Variants in INTS10 observed in about 807,000 individuals in gnomAD.
INTS10 encodes chromosome 8 open reading frame 35.
INTS10 carries 44 observed loss-of-function variants against 94.4 expected under a neutral mutation model. That is an observed-to-expected ratio of 0.47 (90% CI 0.37 to 0.60). INTS10 has a LOEUF of 0.60. INTS10 is among the 20% of genes least tolerant of loss of function. INTS10 has a pLI of 0.00. For synonymous variants in INTS10, 341 were observed against 320.7 expected (o/e 1.06, Z -0.68); for missense variants, 797 against 868.7 (o/e 0.92, Z 1.04).
In INTS10 at chr8:19,817,547, C is replaced by T; in HGVS notation, c.10C>T (p.Gln4Ter). The T allele has an allele frequency of 6.2e-7, 1 of 1,607,988 alleles. No individual in the cohort carries two copies. Among genetic ancestry groups the T allele is most frequent in the Non-Finnish European group, 8.5e-7 (1 of 1,178,268 alleles). The change falls in exon 1 of 17, where the codon CAG becomes TAG. Residue 4 changes from glutamine (Q) to a stop codon, truncating the protein, a stop_gained. Coordinates refer to ENST00000397977, the MANE Select transcript of INTS10 (RefSeq NM_018142.4). LOFTEE classifies it high-confidence loss of function. The stretch of plus-strand genomic sequence containing the variant: ...GGAGAGCGCTCGGGTCATGTCTGCC[C>T]AGGGGGACTGCGAGTTCCTGGTGCA... MSA[Q>*]GDCEFLVQRA...
At chr8:19,826,823 G>T (rs1005024222) in intron 9 of INTS10, among the ~76,000 whole-genome samples, 28 of 152,188 alleles carry the variant, frequency 1.8e-4, no homozygotes, top group African/African-American at 6.3e-4. Flanking sequence ...CAGTGTACAG[G>T]ACCACCCAAA....
In INTS10 at chr8:19,843,042, C is replaced by T; in HGVS notation, c.1719+115C>T. On this transcript the variant is annotated intron_variant, in intron 14 of 16. Coordinates refer to ENST00000397977, the MANE Select transcript of INTS10 (RefSeq NM_018142.4). This position sits in a 1 kb window ranked among gnomAD's most constrained non-coding sequence, Gnocchi z 4.7. ...TTATTTTAGTACTTTTGAGGGCAGG[C>T]CCAAACAGTTAGAAAAGCACATGGG... 3 of 725,260 alleles carry T rather than the reference C, an allele frequency of 4.1e-6. No homozygotes were observed. Among genetic ancestry groups the T allele is most frequent in the Middle Eastern group, 2.5e-4 (1 of 4,036 alleles). 44.9% of individuals were successfully genotyped at this position (725,260 alleles called of 1,614,324 possible).
intron 3 of INTS10, 83 bp from the exon 4 acceptor site, chr8:19,820,296 C>A (rs1036452037): frequency 1.9e-5 from 26 of 1,361,692 alleles, no homozygotes; most frequent in Non-Finnish European, 2.4e-5. Context: ...CTGTTCTGTA[C>A]ATGAAAATGC....
At position 19,843,980 on chromosome 8, in the gene INTS10, A is replaced by G. The variant is rs192414167; in HGVS notation, c.1720-96A>G. On this transcript the variant is annotated intron_variant, in intron 14 of 16. Coordinates refer to ENST00000397977, the MANE Select transcript of INTS10 (RefSeq NM_018142.4). This position sits in a 1 kb window ranked among gnomAD's most constrained non-coding sequence, Gnocchi z 4.7. ...CTAATGACGTTTATCACACATTTGC[A>G]TATACAGCATATTTTTGGAAAGTGA... 17 of 911,832 alleles carry G rather than the reference A, an allele frequency of 1.9e-5. No individual in the cohort carries two copies. Among genetic ancestry groups the G allele is most frequent in the African/African-American group, 1.0e-4 (6 of 59,954 alleles). 56.5% of individuals were successfully genotyped at this position (911,832 alleles called of 1,614,324 possible).
At position 19,824,018 on chromosome 8, in the gene INTS10, T is replaced by A; in HGVS notation, c.810T>A (p.Cys270Ter). 1 of 1,611,244 alleles carries A rather than the reference T, an allele frequency of 6.2e-7. No individual in the cohort carries two copies. Among genetic ancestry groups the A allele is most frequent in the Non-Finnish European group, 8.5e-7 (1 of 1,179,036 alleles). Residue 270 changes from cysteine (C) to a stop codon, truncating the protein, a stop_gained, in exon 7 of 17, where the codon TGT (cysteine) becomes TGA (stop). Coordinates refer to ENST00000397977, the MANE Select transcript of INTS10 (RefSeq NM_018142.4). LOFTEE classifies it high-confidence loss of function. ...FKILNVVGMR[C>*]EWQMDKGRRS... The stretch of plus-strand genomic sequence containing the variant: ...TTTTGAATGTTGTTGGAATGAGATG[T>A]GAATGGCAGATGGATAAAGGAAGAC...
At chr8:19,836,177 A>T (rs568251635) in intron 12 of INTS10, among the ~76,000 whole-genome samples, 132 of 152,144 alleles carry the variant, frequency 8.7e-4, no homozygotes, top group Middle Eastern at 3.4e-3. Flanking sequence ...AATAAATAAA[A>T]AATTACCTAG....
intron 15 of INTS10, chr8:19,845,386 T>G (rs1186633777): frequency 3.3e-5 from 8 of 240,588 alleles, no homozygotes; most frequent in African/African-American, 6.5e-5. Context: ...ATTATCGATA[T>G]GGAAAACATG....
intron 15 of INTS10, 27 bp from the exon 16 acceptor site, chr8:19,845,677 T>A (rs779813144): frequency 1.3e-6 from 2 of 1,541,770 alleles, no homozygotes; most frequent in Non-Finnish European, 1.8e-6. Flanking sequence ...TTTTTTTACA[T>A]GTGGTTAACC....
At chr8:19,837,313 G>A in intron 13 of INTS10, 153 bp downstream of exon 13, 1 of 602,828 alleles carries the variant, frequency 1.7e-6, no homozygotes, top group South Asian at 2.1e-5. Flanking sequence ...AATGTAGTGA[G>A]ACCCCATCTC....
At chr8:19,842,711 A>C (rs1400138098) in intron 13 of INTS10, 137 bp from the exon 14 acceptor site, 24 of 579,446 alleles carry the variant, frequency 4.1e-5, no homozygotes, top group Admixed American at 9.2e-5. Context: ...TTGTGTTTCA[A>C]ATATAATTGA....
chr8:19,824,062 TC>T lies in INTS10; in HGVS notation c.836+20del. On this transcript the variant is annotated intron_variant, in intron 7 of 16. Transcript: ENST00000397977. ...GGAAGACGGTAATAAATAGCTTATT[TC>T]CAGAATTGCCTATTGATTCTTTTGG... 1 of 1,559,230 alleles carries T rather than the reference TC, an allele frequency of 6.4e-7. No homozygotes were observed. The highest frequency in any genetic ancestry group is 2.3e-5 in the East Asian group (1 of 43,788).
rs188522948 is a variant in INTS10 at position 19,844,811 on chromosome 8, C to T, written c.1882+573C>T. Among the ~76,000 whole-genome samples the T allele has an allele frequency of 3.0e-4, 45 of 152,228 alleles. 1 individual carries two copies. Among genetic ancestry groups the T allele is most frequent in the Admixed American group, 2.9e-3 (44 of 15,290 alleles). On this transcript the variant is annotated intron_variant, in intron 15 of 16. Coordinates refer to ENST00000397977, the MANE Select transcript of INTS10 (RefSeq NM_018142.4). ...GTTATCAATTTGGGTGTTTTTACTT[C>T]ATTGTTTATCTTATTACATTATTTC...
At chr8:19,821,286 C>G (rs1414800348) in intron 4 of INTS10, 2 of 152,180 alleles carry the variant, frequency 1.3e-5, no homozygotes, top group Non-Finnish European at 2.9e-5. Context: ...AGGCACTTTC[C>G]CTCTGAAGGT....
At chr8:19,822,237 A>G (rs1297332037) in intron 4 of INTS10, 2 of 424,552 alleles carry the variant, frequency 4.7e-6, no homozygotes, top group Non-Finnish European at 8.5e-6. Flanking sequence ...CAGAGTGGTC[A>G]GATGTTCAGG....
At chr8:19,833,409 C>A in intron 12 of INTS10, 88 bp downstream of exon 12, 2 of 901,506 alleles carry the variant, frequency 2.2e-6, no homozygotes, top group Non-Finnish European at 3.1e-6. Context: ...TCATTCAGTG[C>A]ACGTTTATTT....
chr8:19,819,882 A>G (rs568772579), intron 3 of INTS10, among the ~76,000 whole-genome samples: 1 of 152,358 alleles, frequency 6.6e-6, no homozygotes, highest in South Asian at 2.1e-4. Context: ...TATCAGTGAG[A>G]CGAGGAATTA....
Position 19,849,043 on chromosome 8 carries a change from T to C in INTS10, c.1977-2606T>C. 1 of 398,090 alleles carries C rather than the reference T, an allele frequency of 2.5e-6. No homozygotes were observed. The highest frequency in any genetic ancestry group is 4.9e-6 in the Non-Finnish European group (1 of 202,282). The allele number at this position is 398,090 out of a possible 1,614,324, so 24.7% of individuals were successfully genotyped here. On this transcript the variant is annotated intron_variant, in intron 16 of 16. Transcript: ENST00000397977. This position sits in a 1 kb window ranked among gnomAD's most constrained non-coding sequence, Gnocchi z 4.6. ...AGCCACGGCCAGGGGCTTGTTGAGG[T>C]TAATGAGTTTCTGTTTAGTCTGCTT...
intron 6 of INTS10, 109 bp downstream of exon 6, chr8:19,823,550 G>T: frequency 1.2e-6 from 1 of 811,020 alleles, no homozygotes; most frequent in Non-Finnish European, 2.0e-6. Flanking sequence ...TACCAGTTTG[G>T]GAGTGTTTCA....
chr8:19,830,840 C>T (rs910380604), intron 10 of INTS10, among the ~76,000 whole-genome samples: 3 of 151,990 alleles, frequency 2.0e-5, no homozygotes, highest in Non-Finnish European at 4.4e-5. Context: ...GCCCGGCTAA[C>T]TTTTTGTATT....
Sources: gnomAD v4.1 joint callset for allele counts (sites outside exome capture counted in the v4.1 genomes callset) on GRCh38, gnomAD v4.1.1 for gene constraint, Gnocchi (gnomAD v3.1) non-coding constraint, MANE v1.5 for transcripts, NCBI Gene and HGNC (gene_info 2026-07-23, HGNC 2026-07-21) for gene names.